The following GABRG3 variants were observed in gnomAD, a reference collection of about 807,000 sequenced individuals.
GABRG3 encodes the protein gamma-aminobutyric acid receptor subunit gamma-3.
A neutral mutation model predicts 48.8 loss-of-function variants in GABRG3; 25 were observed. That is an observed-to-expected ratio of 0.51 (90% CI 0.37 to 0.72). The LOEUF (loss-of-function observed/expected upper bound fraction) is 0.72, where lower values mean the gene tolerates loss of function less well. Ranked by LOEUF, GABRG3 falls within the 30% of genes least tolerant of loss-of-function variation. GABRG3 has a pLI of 0.00. For missense variants in GABRG3, 394 were observed against 577.9 expected, an observed-to-expected ratio of 0.68 and a Z score of 3.26; for synonymous variants, 227 against 217.6, an observed-to-expected ratio of 1.04 and a Z score of -0.38.
At chr15:27,172,672 G>A (rs746245878) in intron 3 of GABRG3, among the ~76,000 whole-genome samples, 7 of 152,046 alleles carry the variant, frequency 4.6e-5, no homozygotes, top group African/African-American at 9.7e-5. Flanking sequence ...AATACATAAC[G>A]GCCAACATGC....
chr15:27,145,886 A>G (rs573519506), intron 3 of GABRG3, among the ~76,000 whole-genome samples: 3 of 152,216 alleles, frequency 2.0e-5, no homozygotes, highest in Non-Finnish European at 2.9e-5. Flanking sequence ...ATCATGTACA[A>G]GGGATCCTCA....
rs898456726 is a variant in GABRG3, at chr15:27,387,491, A to T, written c.574+58603A>T. ...CACTACCCAGAGGCCATTTGTAATT[A>T]GGGGGTATTCCATGTTCTAGTTCAT... On this transcript the variant is annotated intron_variant, in intron 5 of 9. Coordinates refer to ENST00000615808, the MANE Select transcript of GABRG3 (RefSeq NM_033223.5). Among the ~76,000 whole-genome samples the T allele has an allele frequency of 3.3e-5, 5 of 152,236 alleles. No homozygotes were observed. The East Asian group carries it at 9.7e-4, about 30-fold the overall frequency.
At chr15:27,085,826 A>G (rs576342840) in intron 3 of GABRG3, among the ~76,000 whole-genome samples, 20 of 152,348 alleles carry the variant, frequency 1.3e-4, no homozygotes, top group African/African-American at 3.6e-4. Context: ...TCCCTAGCAT[A>G]TTATTTTAGT....
rs960230216 is a variant in GABRG3 at position 27,442,834 on chromosome 15, C to G, written c.575-37816C>G. Among the ~76,000 whole-genome samples, 81 of 152,200 alleles carry G rather than the reference C, an allele frequency of 5.3e-4. 1 individual carries two copies. The highest frequency in any genetic ancestry group is 1.9e-3 in the African/African-American group (80 of 41,456). ...GAGAAAAATAGTCCATACATACAAT[C>G]ATTTTCTTCCAAGGGGTAGAACTTC... On this transcript the variant is annotated intron_variant, in intron 5 of 9. Transcript: ENST00000615808.
intron 9 of GABRG3, chr15:27,530,948 C>A (rs1891409297): frequency 6.1e-6 from 2 of 328,894 alleles, no homozygotes; most frequent in Non-Finnish European, 1.2e-5. Flanking sequence ...GAGGCAGATC[C>A]CTTCAATGCA....
intron 5 of GABRG3, among the ~76,000 whole-genome samples, chr15:27,406,073 C>T (rs551654855): frequency 6.6e-6 from 1 of 152,206 alleles, no homozygotes; most frequent in South Asian, 2.1e-4. Context: ...AGGAGGATTG[C>T]TTGAACCCAT....
chr15:27,061,000 A>G (rs930442989), intron 3 of GABRG3, among the ~76,000 whole-genome samples: 10 of 152,186 alleles, frequency 6.6e-5, no homozygotes, highest in African/African-American at 2.2e-4. Context: ...ACCTCCCTAC[A>G]ATTTTCCTGA....
At chr15:27,444,749 A>T (rs565591008) in intron 5 of GABRG3, among the ~76,000 whole-genome samples, 1 of 152,216 alleles carries the variant, frequency 6.6e-6, no homozygotes, top group South Asian at 2.1e-4. Context: ...ATATTTCGTC[A>T]GTTTACTTTC....
intron 8 of GABRG3, 123 bp from the exon 9 acceptor site, chr15:27,527,810 T>A: frequency 1.0e-6 from 1 of 978,482 alleles, no homozygotes; most frequent in East Asian, 2.6e-5. Flanking sequence ...CTAAGACATC[T>A]CTGGTGTCAC....
At chr15:27,414,468 TG>T (rs928341902) in intron 5 of GABRG3, among the ~76,000 whole-genome samples, 1 of 152,146 alleles carries the variant, frequency 6.6e-6, no homozygotes, top group African/African-American at 2.4e-5. Flanking sequence ...ATGCTTTAAG[TG>T]GGAAGGTCCT....
intron 6 of GABRG3, among the ~76,000 whole-genome samples, chr15:27,494,783 ATC>A (rs1470178263): frequency 5.3e-5 from 8 of 152,064 alleles, no homozygotes; most frequent in African/African-American, 1.9e-4. Context: ...TTGGAGAATC[ATC>A]TCTTTGTTTC....
intron 3 of GABRG3, among the ~76,000 whole-genome samples, chr15:27,276,003 T>C (rs1891239981): frequency 6.6e-6 from 1 of 152,138 alleles, no homozygotes; most frequent in Middle Eastern, 3.2e-3. Flanking sequence ...CTGCAAAAAA[T>C]ATGCATGATC....
intron 5 of GABRG3, chr15:27,363,713 C>T (rs1467299749): frequency 2.6e-5 from 4 of 152,168 alleles, no homozygotes; most frequent in Non-Finnish European, 4.4e-5. Flanking sequence ...GCATTTTCTC[C>T]CCTCCCCTCT....
intron 5 of GABRG3, among the ~76,000 whole-genome samples, chr15:27,399,224 C>T (rs1176121463): frequency 6.6e-6 from 1 of 152,086 alleles, no homozygotes; most frequent in African/African-American, 2.4e-5. Flanking sequence ...TCCTCTGAGT[C>T]CCTTCAGAAA....
intron 5 of GABRG3, among the ~76,000 whole-genome samples, chr15:27,381,238 C>T (rs1369742111): frequency 6.6e-6 from 1 of 152,200 alleles, no homozygotes; most frequent in Non-Finnish European, 1.5e-5. Context: ...GATAAAGCCC[C>T]AGCCAGTTAG....
At chr15:27,003,773 G>A (rs936955907) in intron 2 of GABRG3, among the ~76,000 whole-genome samples, 2 of 151,892 alleles carry the variant, frequency 1.3e-5, no homozygotes, top group East Asian at 2.0e-4. Flanking sequence ...CTGGCAGAGG[G>A]GCTCCTCACT....
At chr15:27,500,446 T>C (rs1473320198) in intron 6 of GABRG3, among the ~76,000 whole-genome samples, 4 of 152,008 alleles carry the variant, frequency 2.6e-5, no homozygotes, top group African/African-American at 2.4e-5. Flanking sequence ...AGCCATGCAC[T>C]GGGGAGCTGC....
At chr15:27,081,775 G>T (rs144910460) in intron 3 of GABRG3, among the ~76,000 whole-genome samples, 4,104 of 152,278 alleles carry the variant, frequency 0.027, 68 homozygotes, top group Non-Finnish European at 0.042. Context: ...AGCTGCTGTG[G>T]TCGACCCCGC....
At chr15:27,219,276 G>T in intron 3 of GABRG3, among the ~76,000 whole-genome samples, 1 of 152,284 alleles carries the variant, frequency 6.6e-6, no homozygotes, top group African/African-American at 2.4e-5. Flanking sequence ...GGGCGGGCTG[G>T]CCTTGGGGCG....
Sources: allele counts gnomAD v4.1 joint callset (sites outside exome capture counted in the v4.1 genomes callset), GRCh38; gene constraint gnomAD v4.1.1; transcripts MANE v1.5; gene names NCBI Gene and HGNC (gene_info 2026-07-23, HGNC 2026-07-21).